Variants in HAUS6 observed in about 807,000 individuals in gnomAD.
HAUS6 encodes HAUS augmin-like complex subunit 6.
HAUS6 carries 80 observed loss-of-function variants against 106.8 expected under a neutral mutation model. That is an observed-to-expected ratio of 0.75 (90% confidence interval 0.63 to 0.90). The LOEUF is 0.90. Ranked by LOEUF, HAUS6 falls within the 40% of genes least tolerant of loss-of-function variation. The probability of loss-of-function intolerance (pLI) is 0.00; values close to 1 mark genes in which losing one functional copy is unlikely to be tolerated. For missense variants in HAUS6, 1,155 were observed against 1,118.1 expected (o/e 1.03, Z -0.47); for synonymous variants, 356 against 379.1 (o/e 0.94, Z 0.71).
intron 4 of HAUS6, 172 bp from the exon 5 acceptor site, chr9:19,089,731 G>A: frequency 1.9e-6 from 1 of 517,500 alleles, no homozygotes; most frequent in Non-Finnish European, 3.4e-6. Context: ...TACCAAAAAT[G>A]TTGAATTTCA....
At chr9:19,063,938 TCA>T (rs1429536402) in intron 12 of HAUS6, among the ~76,000 whole-genome samples, 2 of 151,982 alleles carry the variant, frequency 1.3e-5, no homozygotes, top group South Asian at 2.1e-4. Context: ...AGGTTCCAAA[TCA>T]CAGTTTCTTT....
intron 4 of HAUS6, among the ~76,000 whole-genome samples, chr9:19,091,577 G>A (rs1357466159): frequency 6.6e-6 from 1 of 152,088 alleles, no homozygotes; most frequent in African/African-American, 2.4e-5. Context: ...CACTTTGGGA[G>A]GCCAAGGTGG....
chr9:19,082,832 T>C (rs778133768), intron 8 of HAUS6, 41 bp downstream of exon 8: 7 of 1,001,586 alleles, frequency 7.0e-6, no homozygotes, highest in Admixed American at 5.6e-5. Context: ...AATTACATGA[T>C]AGGAGTTTTC....
chr9:19,099,245 C>T (rs1817933593), intron 1 of HAUS6, among the ~76,000 whole-genome samples: 1 of 149,910 alleles, frequency 6.7e-6, no homozygotes, highest in Non-Finnish European at 1.5e-5. Flanking sequence ...CGGCTCACTG[C>T]AAGCTCTGCC....
chr9:19,090,952 G>A (rs1027827044), intron 4 of HAUS6, among the ~76,000 whole-genome samples: 1 of 152,012 alleles, frequency 6.6e-6, no homozygotes, highest in African/African-American at 2.4e-5. Context: ...GAAAATCAGG[G>A]ACTTCCACAA....
At chr9:19,099,070 A>T (rs1278596905) in intron 1 of HAUS6, among the ~76,000 whole-genome samples, 1 of 151,334 alleles carries the variant, frequency 6.6e-6, no homozygotes, top group Non-Finnish European at 1.5e-5. Flanking sequence ...CTACAGGGTC[A>T]TAGAAACAAA....
intron 10 of HAUS6, among the ~76,000 whole-genome samples, chr9:19,077,049 G>A (rs1276050110): frequency 6.6e-6 from 1 of 152,068 alleles, no homozygotes; most frequent in African/African-American, 2.4e-5. Flanking sequence ...TCACCATGTT[G>A]TCCAGGCTGG....
chr9:19,073,391 T>C (rs944535378), intron 11 of HAUS6, among the ~76,000 whole-genome samples: 4 of 150,712 alleles, frequency 2.7e-5, no homozygotes, highest in African/African-American at 7.4e-5. Flanking sequence ...AATGTTGAAG[T>C]AGCCCAGCTC....
intron 12 of HAUS6, among the ~76,000 whole-genome samples, chr9:19,069,937 T>C (rs1164987679): frequency 3.3e-5 from 5 of 152,130 alleles, no homozygotes; most frequent in Non-Finnish European, 5.9e-5. Context: ...CTTTTGTTTT[T>C]CCTTTTAGTA....
chr9:19,058,168 T>C lies in HAUS6; in HGVS notation c.2599A>G (p.Ser867Gly), dbSNP rs767392547. Residue 867 changes from serine to glycine, a missense_variant, in exon 16 of 17, where the codon AGC (serine) becomes GGC (glycine). This residue lies in a region of HAUS6 where 380 missense variants were observed against 394.8 expected (regional missense o/e 0.96). Transcript: ENST00000380502. Reference protein sequence around the residue: ...QTPERHKPELSPTPQNVQTDD... With the variant: ...QTPERHKPELGPTPQNVQTDD... Reference sequence around the variant, plus strand: ...GTTTGTACATTTTGGGGAGTAGGGCTCAATTCTGGTTTGTGTCTTTCGGGT... The same window carrying C: ...GTTTGTACATTTTGGGGAGTAGGGCCCAATTCTGGTTTGTGTCTTTCGGGT... 6.2e-7 allele frequency: 1 copy of C among 1,613,928 alleles called. No individual in the cohort carries two copies. The highest frequency in any genetic ancestry group is 1.1e-5 in the South Asian group (1 of 91,068).
intron 8 of HAUS6, among the ~76,000 whole-genome samples, chr9:19,081,850 A>T (rs983554565): frequency 6.7e-6 from 1 of 149,024 alleles, no homozygotes; most frequent in Non-Finnish European, 1.5e-5. Context: ...GGATCATTTG[A>T]GGTCAGGAGC....
intron 16 of HAUS6, 82 bp from the exon 17 acceptor site, chr9:19,056,486 T>G: frequency 1.3e-6 from 1 of 780,450 alleles, no homozygotes. Context: ...CAAATTTTAG[T>G]CAATACAAAA....
At chr9:19,091,791 A>G (rs1817755341) in intron 4 of HAUS6, among the ~76,000 whole-genome samples, 1 of 152,052 alleles carries the variant, frequency 6.6e-6, no homozygotes, top group Non-Finnish European at 1.5e-5. Flanking sequence ...CCTCCCAAGT[A>G]GCTGGGATTA....
intron 5 of HAUS6, among the ~76,000 whole-genome samples, chr9:19,088,920 C>G (rs1175516936): frequency 6.6e-6 from 1 of 151,702 alleles, no homozygotes; most frequent in Non-Finnish European, 1.5e-5. Context: ...TTCTTTTTCC[C>G]TAAAGTTTTA....
rs762810808 is a variant in HAUS6, at chr9:19,055,078, G to A, written c.*1265C>T. The stretch of plus-strand genomic sequence containing the variant: ...TTTTGTCTTTTCTCACAAAAAGATG[G>A]GTCTTCACACTGGGACAGGACAACC... On this transcript the variant is annotated 3_prime_UTR_variant, in exon 17 of 17. Coordinates refer to ENST00000380502, the MANE Select transcript of HAUS6 (RefSeq NM_017645.5). The A allele has an allele frequency of 1.3e-5, 2 of 152,136 alleles. No individual in the cohort carries two copies. Among genetic ancestry groups the A allele is most frequent in the African/African-American group, 2.4e-5 (1 of 41,422 alleles). 9.4% of individuals were successfully genotyped at this position (152,136 alleles called of 1,614,324 possible). A position where few individuals can be genotyped will look rare whatever the true frequency, so the allele number is the denominator to read the frequency against.
At chr9:19,071,411 ATAAAG>A (rs1247186845) in intron 11 of HAUS6, among the ~76,000 whole-genome samples, 4 of 152,166 alleles carry the variant, frequency 2.6e-5, no homozygotes, top group Non-Finnish European at 5.9e-5. Flanking sequence ...AGAATAAGAG[ATAAAG>A]TAATATTTTA....
intron 1 of HAUS6, among the ~76,000 whole-genome samples, chr9:19,101,736 A>G (rs1278728133): frequency 6.6e-6 from 1 of 152,186 alleles, no homozygotes; most frequent in South Asian, 2.1e-4. Flanking sequence ...CCTGGCCAAC[A>G]TGGTGAAACC....
At chr9:19,066,007 C>T (rs1335706772) in intron 12 of HAUS6, among the ~76,000 whole-genome samples, 1 of 149,288 alleles carries the variant, frequency 6.7e-6, no homozygotes, top group Non-Finnish European at 1.5e-5. Context: ...GGGATCCTGG[C>T]TCACTGCAAC....
chr9:19,077,243 C>T (rs1420508678), intron 10 of HAUS6, among the ~76,000 whole-genome samples: 3 of 152,154 alleles, frequency 2.0e-5, no homozygotes, highest in African/African-American at 7.2e-5. Flanking sequence ...CAAGAGGAGT[C>T]TTGTTTTCTG....
Sources: gnomAD v4.1 joint callset for allele counts (sites outside exome capture counted in the v4.1 genomes callset) on GRCh38, gnomAD v4.1.1 for gene constraint, gnomAD v4.1.1 regional missense constraint, MANE v1.5 for transcripts, NCBI Gene and HGNC (gene_info 2026-07-23, HGNC 2026-07-21) for gene names.